SESTD1: variants seen among roughly 807,000 people sequenced by gnomAD.
SESTD1 encodes SEC14 and spectrin domain containing 1.
SESTD1 carries 43 observed loss-of-function variants against 101.7 expected under a neutral mutation model. The observed-to-expected ratio is 0.42, with a 90% CI of 0.33 to 0.55. The LOEUF is 0.55. SESTD1 is among the 20% of genes least tolerant of loss of function. SESTD1 has a pLI of 0.07. For synonymous variants in SESTD1, 283 were observed against 286.8 expected (o/e 0.99, Z 0.13); for missense variants, 647 against 815.1 (o/e 0.79, Z 2.51).
rs973668112 is a variant in SESTD1, at chr2:179,103,429, T to G, written c.*6470A>C. ...CTACCCTGTGACCCAGCAATTCTAA[T>G]CCAAGGAATTTACTGCAAAGAAATG... On this transcript the variant is annotated 3_prime_UTR_variant, in exon 18 of 18. Transcript: ENST00000428443. 1.3e-5 allele frequency: 2 copies of G among 152,146 alleles called. No individual in the cohort carries two copies. The highest frequency in any genetic ancestry group is 4.1e-4 in the South Asian group (2 of 4,824). The allele number at this position is 152,146 out of a possible 1,614,324, so 9.4% of individuals were successfully genotyped here.
At chr2:179,197,944 A>G (rs1465948783) in intron 1 of SESTD1, among the ~76,000 whole-genome samples, 1 of 152,150 alleles carries the variant, frequency 6.6e-6, no homozygotes, top group Non-Finnish European at 1.5e-5. Flanking sequence ...GACAGGATCA[A>G]ATTCACACAT....
intron 12 of SESTD1, 22 bp downstream of exon 12, chr2:179,123,692 CA>C: frequency 6.9e-7 from 1 of 1,456,488 alleles, no homozygotes; most frequent in Non-Finnish European, 9.5e-7. Flanking sequence ...CCTTATGTTT[CA>C]GCATTTTTAA....
In SESTD1 at chr2:179,211,629, A is replaced by G. The variant is rs530208222; in HGVS notation, c.-25-19763T>C. On this transcript the variant is annotated intron_variant, in intron 1 of 17. Transcript: ENST00000428443. ...AATTGGCAAGAAACGTCACACACAC[A>G]TGCACACACACACACACAAACACAT... Among the ~76,000 whole-genome samples the G allele has an allele frequency of 1.5e-5, 2 of 134,298 alleles. 1 individual carries two copies. Among genetic ancestry groups the G allele is most frequent in the South Asian group, 5.7e-4 (2 of 3,518 alleles). 88.1% of individuals were successfully genotyped at this position (134,298 alleles called of 152,430 possible).
At chr2:179,250,173 C>A in intron 1 of SESTD1, among the ~76,000 whole-genome samples, 1 of 151,546 alleles carries the variant, frequency 6.6e-6, no homozygotes, top group East Asian at 1.9e-4. Flanking sequence ...TGAAACCCAA[C>A]AGTTAAAAAA....
intron 1 of SESTD1, among the ~76,000 whole-genome samples, chr2:179,248,555 TG>T (rs1559161478): frequency 6.6e-6 from 1 of 152,030 alleles, no homozygotes; most frequent in Non-Finnish European, 1.5e-5. Flanking sequence ...ATTGCAGGGA[TG>T]GCAAGTTGAT....
intron 1 of SESTD1, among the ~76,000 whole-genome samples, chr2:179,214,252 C>A (rs778011962): frequency 1.5e-5 from 2 of 133,948 alleles, no homozygotes; most frequent in Non-Finnish European, 3.2e-5. Flanking sequence ...CATGTAGAGG[C>A]ACACATAGGC....
At chr2:179,239,591 G>GT (rs1217024853) in intron 1 of SESTD1, among the ~76,000 whole-genome samples, 1 of 152,124 alleles carries the variant, frequency 6.6e-6, no homozygotes, top group East Asian at 1.9e-4. Flanking sequence ...CAAATCAACT[G>GT]AATGACAATC....
intron 5 of SESTD1, among the ~76,000 whole-genome samples, chr2:179,165,820 G>C (rs1351269380): frequency 6.6e-6 from 1 of 152,134 alleles, no homozygotes; most frequent in African/African-American, 2.4e-5. Flanking sequence ...AATGACAAAA[G>C]TTGAAGAGAA....
chr2:179,179,950 G>A (rs966179048), intron 3 of SESTD1, among the ~76,000 whole-genome samples: 5 of 152,096 alleles, frequency 3.3e-5, no homozygotes, highest in African/African-American at 7.2e-5. Flanking sequence ...TTCAATGCTC[G>A]TTGATCAGAT....
chr2:179,123,389 A>AACATTTCACAGCTAATT (rs1306054056), intron 12 of SESTD1, among the ~76,000 whole-genome samples: 1 of 152,044 alleles, frequency 6.6e-6, no homozygotes, highest in Non-Finnish European at 1.5e-5. Flanking sequence ...TTTACCACAG[A>AACATTTCACAGCTAATT]ACATTTCACA....
chr2:179,163,993 ACT>A (rs2045789898), intron 5 of SESTD1, among the ~76,000 whole-genome samples: 1 of 152,154 alleles, frequency 6.6e-6, no homozygotes, highest in Admixed American at 6.5e-5. Context: ...TTTTGTAGGC[ACT>A]GAGATGGTTT....
intron 1 of SESTD1, among the ~76,000 whole-genome samples, chr2:179,203,894 C>A (rs1271134427): frequency 7.5e-6 from 1 of 133,770 alleles, no homozygotes; most frequent in East Asian, 2.0e-4. Context: ...TAGCAAGATC[C>A]CTGTCTATAA....
Sources: allele counts gnomAD v4.1 joint callset (sites outside exome capture counted in the v4.1 genomes callset), GRCh38; gene constraint gnomAD v4.1.1; transcripts MANE v1.5; gene names NCBI Gene and HGNC (gene_info 2026-07-23, HGNC 2026-07-21).